CNTNAP2: variants seen among roughly 807,000 people sequenced by gnomAD.
CNTNAP2 encodes contactin associated protein 2.
CNTNAP2 carries 98 observed loss-of-function variants against 155.2 expected under a neutral mutation model. That is an observed-to-expected ratio of 0.63 (90% CI 0.54 to 0.75). CNTNAP2 has a LOEUF of 0.75. Among genes scored for constraint, CNTNAP2 ranks in the 30% least tolerant of loss-of-function variants. The pLI, the probability that CNTNAP2 is intolerant of heterozygous loss-of-function variation, is 0.00. For synonymous variants in CNTNAP2, 651 were observed against 631.2 expected, an observed-to-expected ratio of 1.03 and a Z score of -0.47; for missense variants, 1,727 against 1,688.1, an observed-to-expected ratio of 1.02 and a Z score of -0.40.
At chr7:146,913,147 T>C (rs1296477856) in intron 3 of CNTNAP2, among the ~76,000 whole-genome samples, 1 of 152,164 alleles carries the variant, frequency 6.6e-6, no homozygotes, top group Admixed American at 6.6e-5. Flanking sequence ...TTAATTATGC[T>C]TTAGAAGGCA....
intron 14 of CNTNAP2, among the ~76,000 whole-genome samples, chr7:147,910,852 T>C: frequency 6.6e-6 from 1 of 152,160 alleles, no homozygotes; most frequent in East Asian, 1.9e-4. Context: ...GAGATTTGGG[T>C]GGGAACACAG....
chr7:148,110,556 C>T (rs753970866), intron 15 of CNTNAP2, among the ~76,000 whole-genome samples: 4 of 151,574 alleles, frequency 2.6e-5, no homozygotes, highest in Non-Finnish European at 5.9e-5. Context: ...CACGAAAGAA[C>T]TTCAGCACAT....
At chr7:147,892,488 T>C (rs567453645) in intron 13 of CNTNAP2, among the ~76,000 whole-genome samples, 1 of 152,328 alleles carries the variant, frequency 6.6e-6, no homozygotes, top group South Asian at 2.1e-4. Flanking sequence ...GGTCCTGCAG[T>C]GCCAGTGACC....
At chr7:147,003,306 A>G (rs940875561) in intron 3 of CNTNAP2, among the ~76,000 whole-genome samples, 1 of 151,944 alleles carries the variant, frequency 6.6e-6, no homozygotes, top group African/African-American at 2.4e-5. Flanking sequence ...ATAATGAGAG[A>G]CTACTAAAAC....
chr7:147,729,873 C>T lies in CNTNAP2; in HGVS notation c.2098+90567C>T, dbSNP rs142570747. ...CTAGGAAAAGATGAGAGAAAAAAGA[C>T]CAGTGAGGATATAGAGATTTTCCTT... On this transcript the variant is annotated intron_variant, in intron 13 of 23. Coordinates refer to ENST00000361727, the MANE Select transcript of CNTNAP2 (RefSeq NM_014141.6). Among the ~76,000 whole-genome samples the T allele has an allele frequency of 9.7e-4, 148 of 152,104 alleles. 2 individuals carry two copies. The highest frequency in any genetic ancestry group is 3.4e-3 in the African/African-American group (143 of 41,512).
At chr7:146,363,968 T>C (rs1795120785) in intron 1 of CNTNAP2, among the ~76,000 whole-genome samples, 1 of 152,104 alleles carries the variant, frequency 6.6e-6, no homozygotes, top group Non-Finnish European at 1.5e-5. Flanking sequence ...AGGTTCAGCC[T>C]TTGATGGAAG....
chr7:147,523,462 A>G (rs1337080075), intron 11 of CNTNAP2, among the ~76,000 whole-genome samples: 1 of 152,206 alleles, frequency 6.6e-6, no homozygotes, highest in African/African-American at 2.4e-5. Flanking sequence ...GGGATTATAC[A>G]AAGGCATGAA....
chr7:147,004,988 A>T (rs11974101), intron 3 of CNTNAP2, among the ~76,000 whole-genome samples: 7,204 of 152,200 alleles, frequency 0.047, 199 homozygotes, highest in African/African-American at 0.074. Flanking sequence ...TAAATAATAC[A>T]GTGACTTATT....
chr7:147,232,870 C>T (rs1803715817), intron 8 of CNTNAP2, among the ~76,000 whole-genome samples: 1 of 151,978 alleles, frequency 6.6e-6, no homozygotes, highest in South Asian at 2.1e-4. Context: ...CAAAATAAAC[C>T]ATGTAAAAGA....
chr7:146,708,677 A>C (rs541008988), intron 1 of CNTNAP2, among the ~76,000 whole-genome samples: 5 of 132,328 alleles, frequency 3.8e-5, no homozygotes, highest in African/African-American at 1.6e-4. Context: ...TCTCACTGCA[A>C]CCTCTGCCTC....
At chr7:147,426,671 A>T (rs1371817309) in intron 10 of CNTNAP2, among the ~76,000 whole-genome samples, 1 of 152,068 alleles carries the variant, frequency 6.6e-6, no homozygotes, top group Admixed American at 6.6e-5. Context: ...AACATCTGTG[A>T]TTTTTCTTGT....
At chr7:147,350,850 A>G (rs1401782369) in intron 9 of CNTNAP2, among the ~76,000 whole-genome samples, 17 of 152,048 alleles carry the variant, frequency 1.1e-4, no homozygotes, top group Admixed American at 1.1e-3. Flanking sequence ...AGTACCTAAA[A>G]AAATTTAAAT....
intron 3 of CNTNAP2, among the ~76,000 whole-genome samples, chr7:146,941,586 T>G (rs1266843698): frequency 1.3e-5 from 2 of 152,082 alleles, no homozygotes; most frequent in Admixed American, 6.6e-5. Context: ...TACCAATGAG[T>G]TTTATTCTTT....
At chr7:147,932,579 A>G (rs1243102957) in intron 14 of CNTNAP2, among the ~76,000 whole-genome samples, 2 of 152,246 alleles carry the variant, frequency 1.3e-5, no homozygotes, top group African/African-American at 2.4e-5. Flanking sequence ...TTAAAGACTT[A>G]AACGTAAGAC....
At chr7:148,079,885 T>A (rs993551351) in intron 15 of CNTNAP2, among the ~76,000 whole-genome samples, 4 of 152,170 alleles carry the variant, frequency 2.6e-5, no homozygotes, top group Non-Finnish European at 5.9e-5. Context: ...AACTAGTTTT[T>A]CAGGTTAACT....
chr7:147,842,774 G>C (rs1017420451), intron 13 of CNTNAP2, among the ~76,000 whole-genome samples: 1 of 75,776 alleles, frequency 1.3e-5, no homozygotes, highest in African/African-American at 5.1e-5. Context: ...CCCAGAGTGT[G>C]ATATTCCCCT....
intron 1 of CNTNAP2, among the ~76,000 whole-genome samples, chr7:146,448,470 A>G (rs1334175574): frequency 6.6e-6 from 1 of 150,540 alleles, no homozygotes; most frequent in Non-Finnish European, 1.5e-5. Flanking sequence ...GATTGCACTT[A>G]CCGTTGCTCT....
chr7:147,950,624 G>A (rs1800911991), intron 14 of CNTNAP2, among the ~76,000 whole-genome samples: 1 of 152,116 alleles, frequency 6.6e-6, no homozygotes, highest in Non-Finnish European at 1.5e-5. Flanking sequence ...TGCAATACCT[G>A]GTGAGCTCTG....
At chr7:146,537,516 T>C (rs1479866089) in intron 1 of CNTNAP2, among the ~76,000 whole-genome samples, 1 of 151,872 alleles carries the variant, frequency 6.6e-6, no homozygotes, top group Non-Finnish European at 1.5e-5. Flanking sequence ...GTCAGGAAAG[T>C]AAATTAGTAA....
Sources: allele counts gnomAD v4.1 joint callset (sites outside exome capture counted in the v4.1 genomes callset), GRCh38; gene constraint gnomAD v4.1.1; transcripts MANE v1.5; gene names NCBI Gene and HGNC (gene_info 2026-07-23, HGNC 2026-07-21).